The following PLEKHH2 variants were observed in gnomAD, a reference collection of about 807,000 sequenced individuals.
PLEKHH2 encodes the protein pleckstrin homology domain-containing family H member 2.
PLEKHH2 carries 129 observed loss-of-function variants against 187.9 expected under a neutral mutation model. The ratio of observed to expected loss-of-function variants is 0.69; its 90% CI spans 0.59 to 0.79. PLEKHH2 has a LOEUF of 0.79. Ranked by LOEUF, PLEKHH2 falls within the 30% of genes least tolerant of loss-of-function variation. The pLI is 0.00. For synonymous variants in PLEKHH2, 686 were observed against 605.6 expected (o/e 1.13, Z -1.95); for missense variants, 2,076 against 1,751.2 (o/e 1.19, Z -3.31).
rs1317156935 is a variant in PLEKHH2, at chr2:43,745,778, T to C, written c.3556-88T>C. 8.7e-6 allele frequency: 8 copies of C among 919,088 alleles called. No homozygotes were observed. In the East Asian group the frequency reaches 1.6e-4, roughly 18 times the overall value. 56.9% of individuals were successfully genotyped at this position (919,088 alleles called of 1,614,324 possible). ...GTATATTTGGTTTGATCATATTAAT[T>C]GAAAAATTTCAGTCTGCAGCACACT... On this transcript the variant is annotated intron_variant, in intron 23 of 29. Transcript: ENST00000282406.
intron 2 of PLEKHH2, among the ~76,000 whole-genome samples, chr2:43,667,672 A>C (rs1667280678): frequency 6.6e-6 from 1 of 152,238 alleles, no homozygotes; most frequent in African/African-American, 2.4e-5. Flanking sequence ...GTGCTAAGTG[A>C]AAGAAGCTAG....
At chr2:43,713,281 T>C (rs193185840) in intron 15 of PLEKHH2, among the ~76,000 whole-genome samples, 1 of 152,324 alleles carries the variant, frequency 6.6e-6, no homozygotes, top group East Asian at 1.9e-4. Context: ...TGCACAGATC[T>C]TAAGTGTAGA....
Position 43,707,563 on chromosome 2 carries a change from G to A in PLEKHH2, c.1966+18G>A, listed in dbSNP as rs1228949910. ...GAAACGAGGTGAGGGAAAATCGCAG[G>A]CATATGAGGCAACTCCAGATCATTC... On this transcript the variant is annotated intron_variant, in intron 11 of 29. Coordinates refer to ENST00000282406, the MANE Select transcript of PLEKHH2 (RefSeq NM_172069.4). The A allele has an allele frequency of 1.2e-6, 2 of 1,613,254 alleles. No individual in the cohort carries two copies. The highest frequency in any genetic ancestry group is 4.5e-5 in the East Asian group (2 of 44,862).
chr2:43,757,458 C>T (rs1315432034), intron 26 of PLEKHH2, among the ~76,000 whole-genome samples, 194 bp downstream of exon 26: 6 of 141,284 alleles, frequency 4.2e-5, no homozygotes, highest in Non-Finnish European at 9.0e-5. Context: ...CTCGCTCTGT[C>T]GCCCAGGCTG....
intron 4 of PLEKHH2, among the ~76,000 whole-genome samples, chr2:43,693,582 G>A (rs1265320183): frequency 6.6e-6 from 1 of 151,880 alleles, no homozygotes; most frequent in Non-Finnish European, 1.5e-5. Flanking sequence ...AAATTAGCCG[G>A]GCGTGGTGGC....
intron 24 of PLEKHH2, among the ~76,000 whole-genome samples, chr2:43,750,860 A>G (rs1671980852): frequency 6.6e-6 from 1 of 152,086 alleles, no homozygotes; most frequent in Non-Finnish European, 1.5e-5. Flanking sequence ...AGGTGAATAG[A>G]GTTTCCTTGC....
chr2:43,720,362 T>G (rs1670424082), intron 15 of PLEKHH2, among the ~76,000 whole-genome samples: 1 of 152,022 alleles, frequency 6.6e-6, no homozygotes, highest in Non-Finnish European at 1.5e-5. Flanking sequence ...TGCATGATGC[T>G]GAGGTTTGGA....
chr2:43,640,788 T>C (rs1351304427), intron 1 of PLEKHH2, among the ~76,000 whole-genome samples: 1 of 151,610 alleles, frequency 6.6e-6, no homozygotes, highest in Non-Finnish European at 1.5e-5. Context: ...AATTTATTAT[T>C]ATTATTGTTT....
chr2:43,729,602 G>A lies in PLEKHH2; in HGVS notation c.2722-35G>A, dbSNP rs776403320. 6 of 1,382,058 alleles carry A rather than the reference G, an allele frequency of 4.3e-6. No homozygotes were observed. The Admixed American group carries it at 9.7e-5, about 22-fold the overall frequency. 85.6% of individuals were successfully genotyped at this position (1,382,058 alleles called of 1,614,324 possible). A position where few individuals can be genotyped will look rare whatever the true frequency, so the allele number is the denominator to read the frequency against. On this transcript the variant is annotated intron_variant, in intron 17 of 29. Transcript: ENST00000282406. ...TTTTTTTTTCTTTAATCAAAACTGT[G>A]TCTTAACATTTAATTAATATGTTCT...
chr2:43,683,878 A>AT (rs1211337015), intron 3 of PLEKHH2, among the ~76,000 whole-genome samples: 2 of 151,954 alleles, frequency 1.3e-5, no homozygotes, highest in Admixed American at 6.6e-5. Context: ...ACAGACTTTA[A>AT]TTTTTAGAGC....
chr2:43,651,107 G>T (rs1574476914), intron 2 of PLEKHH2, among the ~76,000 whole-genome samples: 1 of 152,056 alleles, frequency 6.6e-6, no homozygotes, highest in East Asian at 1.9e-4. Context: ...CTTTATCAAA[G>T]TTTATCCTCA....
rs994544467 is a variant in PLEKHH2 at position 43,745,755 on chromosome 2, A to G, written c.3556-111A>G. The G allele has an allele frequency of 4.4e-6, 3 of 674,178 alleles. No homozygotes were observed. In the African/African-American group the frequency reaches 5.5e-5, roughly 12 times the overall value. 41.8% of individuals were successfully genotyped at this position (674,178 alleles called of 1,614,324 possible). A position where few individuals can be genotyped will look rare whatever the true frequency, so the allele number is the denominator to read the frequency against. Reference sequence around the variant, plus strand: ...GAGGCTGAAAACAAAAAGCTTGAGTATATTTGGTTTGATCATATTAATTGA... The same window carrying G: ...GAGGCTGAAAACAAAAAGCTTGAGTGTATTTGGTTTGATCATATTAATTGA... On this transcript the variant is annotated intron_variant, in intron 23 of 29. Coordinates refer to ENST00000282406, the MANE Select transcript of PLEKHH2 (RefSeq NM_172069.4).
chr2:43,645,080 G>T (rs1305958850), intron 2 of PLEKHH2, among the ~76,000 whole-genome samples: 1 of 151,974 alleles, frequency 6.6e-6, no homozygotes, highest in Non-Finnish European at 1.5e-5. Flanking sequence ...TTTATTAGAG[G>T]AGTATGACAG....
At chr2:43,680,964 G>A in intron 3 of PLEKHH2, 3 of 1,059,906 alleles carry the variant, frequency 2.8e-6, no homozygotes, top group Non-Finnish European at 4.0e-6. Flanking sequence ...ACATACACTG[G>A]ATTTCTAGTT....
At chr2:43,708,237 GAC>G (rs1440360385) in intron 11 of PLEKHH2, among the ~76,000 whole-genome samples, 2 of 152,170 alleles carry the variant, frequency 1.3e-5, no homozygotes, top group African/African-American at 4.8e-5. Flanking sequence ...ATCAGGTTAT[GAC>G]ACACTTTTGC....
intron 23 of PLEKHH2, 92 bp downstream of exon 23, chr2:43,744,081 CAGG>C: frequency 6.7e-7 from 1 of 1,490,704 alleles, no homozygotes; most frequent in South Asian, 1.4e-5. Flanking sequence ...AAGTTTAATT[CAGG>C]AGTTTTCCAA....
intron 16 of PLEKHH2, 42 bp from the exon 17 acceptor site, chr2:43,726,230 T>C (rs370738844): frequency 1.2e-5 from 17 of 1,400,238 alleles, no homozygotes; most frequent in Middle Eastern, 1.8e-4. Context: ...TAGGAAAAGA[T>C]TTAGAAAATG....
chr2:43,720,642 T>C, intron 15 of PLEKHH2, 27 bp from the exon 16 acceptor site: 1 of 1,605,660 alleles, frequency 6.2e-7, no homozygotes, highest in Non-Finnish European at 8.5e-7. Flanking sequence ...TGGGCTAAAC[T>C]TGTAATTCAT....
intron 3 of PLEKHH2, among the ~76,000 whole-genome samples, chr2:43,682,540 T>C (rs965587804): frequency 6.6e-6 from 1 of 151,996 alleles, no homozygotes; most frequent in African/African-American, 2.4e-5. Context: ...CTCCTGACCT[T>C]GTGATTTGCC....
Sources: allele counts gnomAD v4.1 joint callset (sites outside exome capture counted in the v4.1 genomes callset), GRCh38; gene constraint gnomAD v4.1.1; transcripts MANE v1.5; gene names NCBI Gene and HGNC (gene_info 2026-07-23, HGNC 2026-07-21).